MYT1L: variants seen among roughly 807,000 people sequenced by gnomAD.
The protein encoded by MYT1L is myelin transcription factor 1 like.
MYT1L carries 12 observed loss-of-function variants against 126.7 expected under a neutral mutation model. The observed-to-expected ratio is 0.09, with a 90% CI of 0.06 to 0.15. The LOEUF (loss-of-function observed/expected upper bound fraction) is 0.15. Ranked by LOEUF, MYT1L falls within the 10% of genes least tolerant of loss-of-function variation. The probability of loss-of-function intolerance (pLI) is 1.00; values close to 1 mark genes in which losing one functional copy is unlikely to be tolerated. For missense variants in MYT1L, 979 were observed against 1,585.2 expected (o/e 0.62, Z 6.49); for synonymous variants, 541 against 604.2 (o/e 0.90, Z 1.53).
chr2:2,280,923 G>C (rs1323261868), intron 2 of MYT1L, among the ~76,000 whole-genome samples: 1 of 152,110 alleles, frequency 6.6e-6, no homozygotes, highest in East Asian at 1.9e-4. Context: ...GGCTTGCCTC[G>C]GTGCGGCCAT....
chr2:2,138,845 T>TA lies in MYT1L; in HGVS notation c.-304+34026dup, dbSNP rs762275890. Among the ~76,000 whole-genome samples, 1,063 of 129,976 alleles carry TA rather than the reference T, an allele frequency of 8.2e-3. 5 individuals are homozygous for TA. Among genetic ancestry groups the TA allele is most frequent in the Non-Finnish European group, 0.012 (719 of 60,556 alleles). The allele number at this position is 129,976 out of a possible 152,430, so 85.3% of individuals were successfully genotyped here. A position where few individuals can be genotyped will look rare whatever the true frequency, so the allele number is the denominator to read the frequency against. On this transcript the variant is annotated intron_variant, in intron 3 of 24. Coordinates refer to ENST00000647738, the MANE Select transcript of MYT1L (RefSeq NM_001303052.2). ...TGTACCCTAAAACTTAAAGTATAAT[T>TA]AAAAAAAAAAAAAAAAGAAATAAGG... is the stretch of plus-strand genomic sequence containing the variant.
intron 1 of MYT1L, among the ~76,000 whole-genome samples, chr2:2,295,140 G>C (rs2095652499): frequency 6.6e-6 from 1 of 152,166 alleles, no homozygotes; most frequent in African/African-American, 2.4e-5. Context: ...TGAGGCTTCA[G>C]AGCAGATGTG....
At chr2:2,180,633 T>C (rs981163125) in intron 2 of MYT1L, among the ~76,000 whole-genome samples, 1 of 151,934 alleles carries the variant, frequency 6.6e-6, no homozygotes, top group Non-Finnish European at 1.5e-5. Flanking sequence ...TGTAGCTGTG[T>C]GTGCACCTGT....
chr2:1,823,833 A>T (rs976955844), intron 21 of MYT1L, among the ~76,000 whole-genome samples: 1 of 152,212 alleles, frequency 6.6e-6, no homozygotes, highest in African/African-American at 2.4e-5. Context: ...GTGTGGTCAA[A>T]TTTACATTTA....
At chr2:2,115,734 C>G (rs986331568) in intron 3 of MYT1L, among the ~76,000 whole-genome samples, 76 of 152,336 alleles carry the variant, frequency 5.0e-4, no homozygotes, top group African/African-American at 1.5e-3. Flanking sequence ...AGGCAAGGCC[C>G]CCGCGGGAGT....
rs73911315 is a variant in MYT1L, at chr2:2,061,734, C to G, written c.-303-7611G>C. 2.7e-3 allele frequency among the ~76,000 whole-genome samples: 408 copies of G among 152,252 alleles called. 5 individuals are homozygous for G. Among genetic ancestry groups the G allele is most frequent in the African/African-American group, 9.6e-3 (397 of 41,546 alleles). On this transcript the variant is annotated intron_variant, in intron 3 of 24. Coordinates refer to ENST00000647738, the MANE Select transcript of MYT1L (RefSeq NM_001303052.2). ...GACCCTGAGAGATTCTGCAGCCCAG[C>G]TCCAGATTGCTTGTGGTCTGACAGG... is the stretch of plus-strand genomic sequence containing the variant.
chr2:2,010,809 A>G (rs1026346014), intron 4 of MYT1L, among the ~76,000 whole-genome samples: 1 of 152,214 alleles, frequency 6.6e-6, no homozygotes, highest in Admixed American at 6.5e-5. Context: ...GGTGCCACAT[A>G]TGGACAGACA....
At position 1,878,606 on chromosome 2, in the gene MYT1L, G is replaced by A. The variant is rs184045137; in HGVS notation, c.2711+7933C>T. ...GTTTGAATTAATGAAGATGAAATAC[G>A]ATCAAGAATGCACTTCCTTAGCCAC... On this transcript the variant is annotated intron_variant, in intron 18 of 24. Transcript: ENST00000647738. Among the ~76,000 whole-genome samples the A allele has an allele frequency of 3.1e-3, 472 of 152,232 alleles. 3 individuals are homozygous for A. The highest frequency in any genetic ancestry group is 9.8e-3 in the African/African-American group (408 of 41,522).
intron 18 of MYT1L, among the ~76,000 whole-genome samples, chr2:1,881,871 GGT>G (rs1474014622): frequency 6.6e-6 from 1 of 152,210 alleles, no homozygotes; most frequent in Admixed American, 6.5e-5. Context: ...CACTGAAGGT[GGT>G]GTTATTAATG....
intron 3 of MYT1L, among the ~76,000 whole-genome samples, chr2:2,137,946 A>G (rs1459448869): frequency 6.6e-6 from 1 of 152,186 alleles, no homozygotes; most frequent in African/African-American, 2.4e-5. Context: ...CTCATCTGAC[A>G]AAGGGCTAAT....
At chr2:1,970,522 C>A (rs143729830) in intron 8 of MYT1L, among the ~76,000 whole-genome samples, 25 of 152,320 alleles carry the variant, frequency 1.6e-4, no homozygotes, top group African/African-American at 3.6e-4. Flanking sequence ...CAGAGGAGCT[C>A]ATGGTGTCCA....
Position 1,862,378 on chromosome 2 carries a change from C to A in MYT1L, c.2712-10675G>T, listed in dbSNP as rs1339655533. Among the ~76,000 whole-genome samples the A allele has an allele frequency of 2.0e-5, 3 of 152,198 alleles. No individual in the cohort carries two copies. In the East Asian group the frequency reaches 5.8e-4, roughly 29 times the overall value. On this transcript the variant is annotated intron_variant, in intron 18 of 24. Coordinates refer to ENST00000647738, the MANE Select transcript of MYT1L (RefSeq NM_001303052.2). ...AAAGCTGAGATTACAGGAACCATCT[C>A]TTACCTTCTGGTGCGTTTTGACTGC...
intron 4 of MYT1L, among the ~76,000 whole-genome samples, chr2:2,020,813 C>T (rs1462447166): frequency 6.6e-6 from 1 of 152,150 alleles, no homozygotes; most frequent in African/African-American, 2.4e-5. Flanking sequence ...TCTCCTAATC[C>T]TTGCATATAT....
rs572773922 is a variant in MYT1L, at chr2:1,866,169, T to A, written c.2712-14466A>T. 3.9e-5 allele frequency among the ~76,000 whole-genome samples: 6 copies of A among 152,214 alleles called. No homozygotes were observed. The South Asian group carries it at 1.0e-3, about 26-fold the overall frequency. Reference sequence around the variant, plus strand: ...GAAGTACAGGCCAGATGGAAGCAGGTAGGTCAAGCCGAGGTGGAGACCATG... The same window carrying A: ...GAAGTACAGGCCAGATGGAAGCAGGAAGGTCAAGCCGAGGTGGAGACCATG... On this transcript the variant is annotated intron_variant, in intron 18 of 24. Coordinates refer to ENST00000647738, the MANE Select transcript of MYT1L (RefSeq NM_001303052.2).
intron 9 of MYT1L, among the ~76,000 whole-genome samples, chr2:1,924,357 C>T (rs1157184987): frequency 6.6e-6 from 1 of 152,072 alleles, no homozygotes; most frequent in East Asian, 1.9e-4. Flanking sequence ...TATCTGTACC[C>T]TTAGATTAGA....
At chr2:2,263,312 C>T (rs1458502580) in intron 2 of MYT1L, among the ~76,000 whole-genome samples, 4 of 151,938 alleles carry the variant, frequency 2.6e-5, no homozygotes, top group African/African-American at 9.7e-5. Context: ...AATCACCTCC[C>T]AGCTCCAGGG....
chr2:2,013,635 C>T (rs1000459812), intron 4 of MYT1L, among the ~76,000 whole-genome samples: 3 of 152,242 alleles, frequency 2.0e-5, no homozygotes, highest in Non-Finnish European at 2.9e-5. Context: ...GGCTTCAGAT[C>T]ATGTGCTGCT....
chr2:1,843,420 T>TA (rs929637488), intron 19 of MYT1L, among the ~76,000 whole-genome samples: 1 of 152,032 alleles, frequency 6.6e-6, no homozygotes, highest in African/African-American at 2.4e-5. Flanking sequence ...CAGGGAGAGT[T>TA]ACTACGGTAT....
chr2:1,865,071 G>A (rs992130243), intron 18 of MYT1L, among the ~76,000 whole-genome samples: 1 of 152,182 alleles, frequency 6.6e-6, no homozygotes, highest in African/African-American at 2.4e-5. Context: ...GTGGGGAGGC[G>A]GGGGAAGGGC....
Sources: allele counts gnomAD v4.1 joint callset (sites outside exome capture counted in the v4.1 genomes callset), GRCh38; gene constraint gnomAD v4.1.1; transcripts MANE v1.5; gene names NCBI Gene and HGNC (gene_info 2026-07-23, HGNC 2026-07-21).